Variants in PLEKHA8 observed in about 807,000 individuals in gnomAD.
PLEKHA8 encodes pleckstrin homology domain containing A8.
A neutral mutation model predicts 68.2 loss-of-function variants in PLEKHA8; 36 were observed. The observed-to-expected ratio is 0.53, with a 90% confidence interval of 0.40 to 0.70. PLEKHA8 has a LOEUF of 0.70. Ranked by LOEUF, PLEKHA8 falls within the 30% of genes least tolerant of loss-of-function variation. PLEKHA8 has a pLI of 0.00. For missense variants in PLEKHA8, 505 were observed against 615.4 expected, an observed-to-expected ratio of 0.82 and a Z score of 1.90; for synonymous variants, 211 against 216.1, an observed-to-expected ratio of 0.98 and a Z score of 0.20.
At chr7:30,043,931 A>G (rs1791739995) in intron 1 of PLEKHA8, among the ~76,000 whole-genome samples, 1 of 152,142 alleles carries the variant, frequency 6.6e-6, no homozygotes, top group African/African-American at 2.4e-5. Flanking sequence ...TATGAGAGAA[A>G]TGTATCCCTA....
chr7:30,056,742 AGTGTGTGTGT>A lies in PLEKHA8; in HGVS notation c.1039+1435_1039+1444del, dbSNP rs70980590. The stretch of plus-strand genomic sequence containing the variant: ...CCTGTCTCAAAAAAAAAAAAAAAAA[AGTGTGTGTGT>A]GTGTGTGTGTGTGTGTGTGTGTGTG... On this transcript the variant is annotated intron_variant, in intron 9 of 13. Transcript: ENST00000449726. 2.6e-3 allele frequency among the ~76,000 whole-genome samples: 197 copies of A among 74,770 alleles called. 2 individuals are homozygous for A. The highest frequency in any genetic ancestry group is 7.5e-3 in the South Asian group (12 of 1,596). 49.1% of individuals were successfully genotyped at this position (74,770 alleles called of 152,430 possible).
intron 1 of PLEKHA8, among the ~76,000 whole-genome samples, chr7:30,043,458 A>G (rs1791696655): frequency 6.6e-6 from 1 of 152,188 alleles, no homozygotes; most frequent in Non-Finnish European, 1.5e-5. Flanking sequence ...ATATAATAAG[A>G]GCAAAAGCCA....
intron 13 of PLEKHA8, among the ~76,000 whole-genome samples, chr7:30,108,995 C>T (rs920499863): frequency 8.5e-5 from 13 of 152,194 alleles, no homozygotes; most frequent in African/African-American, 3.1e-4. Flanking sequence ...CCATGAAATG[C>T]AAACCCACTG....
At position 30,083,192 on chromosome 7, in the gene PLEKHA8, C is replaced by A. The variant is rs889503621; in HGVS notation, c.*4405C>A. 7.1e-6 allele frequency: 7 copies of A among 983,946 alleles called. No homozygotes were observed. In the East Asian group the frequency reaches 6.8e-4, roughly 96 times the overall value. 61.0% of individuals were successfully genotyped at this position (983,946 alleles called of 1,614,324 possible). The stretch of plus-strand genomic sequence containing the variant: ...TTTGTGATCTTGTAAGGGCTCTACA[C>A]AAACTTCATTATGTATGGTAAATTT... On this transcript the variant is annotated 3_prime_UTR_variant, in exon 14 of 14. Coordinates refer to ENST00000449726, the MANE Select transcript of PLEKHA8 (RefSeq NM_001197026.2).
At position 30,054,852 on chromosome 7, in the gene PLEKHA8, A is replaced by G; in HGVS notation, c.940A>G (p.Thr314Ala). The G allele has an allele frequency of 6.2e-7, 1 of 1,606,214 alleles. No homozygotes were observed. The change falls in exon 8 of 14, where the codon ACC (threonine) becomes GCC (alanine). Residue 314 changes from threonine to alanine, a missense_variant. Thr to Ala is a moderately conservative substitution (Grantham distance 58). Coordinates refer to ENST00000449726, the MANE Select transcript of PLEKHA8 (RefSeq NM_001197026.2). ...GKEVIPTFFS[T>A]MNTSFSDIEL... The stretch of plus-strand genomic sequence containing the variant: ...AGAAGTTATCCCAACTTTCTTTAGT[A>G]CCATGAACACAAGGTATTCTAGACT...
At chr7:30,063,494 GAA>G (rs1226007510) in intron 12 of PLEKHA8, among the ~76,000 whole-genome samples, 1 of 152,032 alleles carries the variant, frequency 6.6e-6, no homozygotes, top group East Asian at 1.9e-4. Context: ...CGTGTGTGGA[GAA>G]AAAAATGAAC....
In PLEKHA8 at chr7:30,073,563, T is replaced by TAAAAAAAAAAAAAA. The variant is rs35738941; in HGVS notation, c.1301-495_1301-482dup. Among the ~76,000 whole-genome samples the TAAAAAAAAAAAAAA allele has an allele frequency of 9.5e-4, 106 of 111,744 alleles. 1 individual carries two copies. The highest frequency in any genetic ancestry group is 3.4e-3 in the African/African-American group (96 of 28,042). The allele number at this position is 111,744 out of a possible 152,430, so 73.3% of individuals were successfully genotyped here. A position where few individuals can be genotyped will look rare whatever the true frequency, so the allele number is the denominator to read the frequency against. On this transcript the variant is annotated intron_variant, in intron 12 of 13. Coordinates refer to ENST00000449726, the MANE Select transcript of PLEKHA8 (RefSeq NM_001197026.2). ...TAAGAGTGGAAGTATTTGTGTTTCT[T>TAAAAAAAAAAAAAA]AAAAAAAAAAAAAAAAAAAAAAAAA...
intron 12 of PLEKHA8, 123 bp from the exon 13 acceptor site, chr7:30,073,948 T>G (rs1340120898): frequency 1.9e-5 from 13 of 699,970 alleles, no homozygotes; most frequent in Non-Finnish European, 2.8e-5. Context: ...ATCACACCAC[T>G]GTACTCTAGC....
At chr7:30,031,227 A>G (rs554025239) in intron 1 of PLEKHA8, among the ~76,000 whole-genome samples, 52 of 152,282 alleles carry the variant, frequency 3.4e-4, no homozygotes, top group Middle Eastern at 3.4e-3. Flanking sequence ...GGGAAGAAAG[A>G]TATTTATTGG....
downstream of PLEKHA8, among the ~76,000 whole-genome samples, chr7:30,086,092 T>G (rs1795171235): frequency 6.6e-6 from 1 of 152,222 alleles, no homozygotes; most frequent in African/African-American, 2.4e-5. Context: ...AAACAATCAC[T>G]GTGACGAGCT....
At chr7:30,087,877 A>G (rs1273317034), downstream of PLEKHA8, among the ~76,000 whole-genome samples, 2 of 152,206 alleles carry the variant, frequency 1.3e-5, no homozygotes, top group Non-Finnish European at 2.9e-5. Context: ...CAACTTAAGG[A>G]TGGGAAGTGT....
intron 13 of PLEKHA8, among the ~76,000 whole-genome samples, chr7:30,110,945 C>G (rs942591275): frequency 2.0e-5 from 3 of 150,844 alleles, no homozygotes; most frequent in African/African-American, 7.3e-5. Flanking sequence ...CACTCTGTTG[C>G]CCAGACTGGA....
At chr7:30,068,966 T>A (rs1463016034) in intron 12 of PLEKHA8, among the ~76,000 whole-genome samples, 3 of 152,226 alleles carry the variant, frequency 2.0e-5, no homozygotes, top group African/African-American at 7.2e-5. Context: ...CAGCATTTAT[T>A]GGATCACCCA....
At chr7:30,032,341 A>C (rs2127957247) in intron 1 of PLEKHA8, among the ~76,000 whole-genome samples, 1 of 152,352 alleles carries the variant, frequency 6.6e-6, no homozygotes, top group East Asian at 1.9e-4. Context: ...ATCTTCCTCC[A>C]TTTAAAATAA....
chr7:30,109,994 C>T (rs891563887), intron 13 of PLEKHA8, among the ~76,000 whole-genome samples: 37 of 152,040 alleles, frequency 2.4e-4, no homozygotes, highest in African/African-American at 8.9e-4. Context: ...TAATGTCATC[C>T]TATTTAATTT....
At chr7:30,115,515 T>C (rs571521622) in intron 13 of PLEKHA8, among the ~76,000 whole-genome samples, 7 of 148,726 alleles carry the variant, frequency 4.7e-5, no homozygotes, top group African/African-American at 1.7e-4. Context: ...TATGTACACA[T>C]ACACGTATAC....
chr7:30,052,582 G>A lies in PLEKHA8; in HGVS notation c.639-127G>A, dbSNP rs557705246. On this transcript the variant is annotated intron_variant, in intron 6 of 13. Coordinates refer to ENST00000449726, the MANE Select transcript of PLEKHA8 (RefSeq NM_001197026.2). ...GATTGATTGAGCCCAGAAGATTGCA[G>A]TGAGCTGTGATTGTGCCACTGTACT... is the stretch of plus-strand genomic sequence containing the variant. The A allele has an allele frequency of 5.6e-5, 41 of 736,290 alleles. 1 individual carries two copies. The highest frequency in any genetic ancestry group is 1.0e-4 in the East Asian group (3 of 29,946). 45.6% of individuals were successfully genotyped at this position (736,290 alleles called of 1,614,324 possible).
At chr7:30,062,098 C>T in intron 11 of PLEKHA8, 71 bp downstream of exon 11, 1 of 1,527,174 alleles carries the variant, frequency 6.5e-7, no homozygotes, top group East Asian at 2.3e-5. Context: ...AAAATTGTTA[C>T]ACAAAGGAGA....
chr7:30,029,415 G>T (rs1790479825), intron 1 of PLEKHA8, among the ~76,000 whole-genome samples: 1 of 152,190 alleles, frequency 6.6e-6, no homozygotes, highest in Non-Finnish European at 1.5e-5. Context: ...ACCGTTAAAT[G>T]AATGCAAATA....
Sources: gnomAD v4.1 joint callset for allele counts (sites outside exome capture counted in the v4.1 genomes callset) on GRCh38, gnomAD v4.1.1 for gene constraint, MANE v1.5 for transcripts, NCBI Gene and HGNC (gene_info 2026-07-23, HGNC 2026-07-21) for gene names.